Variants in ALPK2 observed in about 807,000 individuals in gnomAD.
ALPK2 encodes the protein alpha-protein kinase 2.
In ALPK2, 127 loss-of-function variants were observed where a neutral mutation model predicts 163.1. The ratio of observed to expected loss-of-function variants is 0.78; its 90% CI spans 0.67 to 0.90. ALPK2 has a LOEUF of 0.90. Among genes scored for constraint, ALPK2 ranks in the 40% least tolerant of loss-of-function variants. The pLI, the probability that ALPK2 is intolerant of heterozygous loss-of-function variation, is 0.00. For synonymous variants in ALPK2, 953 were observed against 959.1 expected (o/e 0.99, Z 0.12); for missense variants, 2,360 against 2,589.6 (o/e 0.91, Z 1.92).
rs546398935 is a variant in ALPK2, at chr18:58,489,909, CG to C, written c.6297-7871del. ...CAGGATATTGAGACCATCCTGGCCC[CG>C]TCTCTACTAAAAATACAAAAATTAG... On this transcript the variant is annotated intron_variant, in intron 12 of 12. Coordinates refer to ENST00000361673, the MANE Select transcript of ALPK2 (RefSeq NM_052947.4). 7.9e-5 allele frequency among the ~76,000 whole-genome samples: 12 copies of C among 151,424 alleles called. No homozygotes were observed. In the South Asian group the frequency reaches 2.3e-3, roughly 29 times the overall value.
intron 10 of ALPK2, among the ~76,000 whole-genome samples, chr18:58,509,342 A>G (rs62094716): frequency 0.23 from 34,711 of 151,904 alleles, 4,481 homozygotes; most frequent in South Asian, 0.41. Flanking sequence ...CGCAATAAAC[A>G]TCCGTGTGCA....
At chr18:58,577,851 G>A (rs1471868220) in intron 4 of ALPK2, 1 of 152,162 alleles carries the variant, frequency 6.6e-6, no homozygotes, top group Non-Finnish European at 1.5e-5. Context: ...TATCTTTGGA[G>A]TGTATCTAGT....
At chr18:58,544,566 C>T (rs1030247356) in intron 4 of ALPK2, 8 of 152,198 alleles carry the variant, frequency 5.3e-5, no homozygotes, top group Non-Finnish European at 1.0e-4. Flanking sequence ...CAATTCTTGA[C>T]AAGTTGTGCT....
Position 58,491,808 on chromosome 18 carries a change from G to C in ALPK2, c.6296+6241C>G, listed in dbSNP as rs193033649. On this transcript the variant is annotated intron_variant, in intron 12 of 12. Transcript: ENST00000361673. ...GGCATACAGGCAAGGAGAACTTGTGGGGCGGTTACAGGAGCCTCTGCAGGG... is the reference window on the plus strand; with the variant it reads ...GGCATACAGGCAAGGAGAACTTGTGCGGCGGTTACAGGAGCCTCTGCAGGG... Among the ~76,000 whole-genome samples the C allele has an allele frequency of 7.4e-3, 1,127 of 152,376 alleles. 14 individuals are homozygous for C. The highest frequency in any genetic ancestry group is 0.026 in the African/African-American group (1,087 of 41,594).
At chr18:58,513,370 A>C (rs2051504592) in intron 10 of ALPK2, among the ~76,000 whole-genome samples, 1 of 152,058 alleles carries the variant, frequency 6.6e-6, no homozygotes, top group Non-Finnish European at 1.5e-5. Flanking sequence ...CCTCCCATGT[A>C]CCGTCAGCAT....
At chr18:58,615,072 C>A (rs2052158553) in intron 1 of ALPK2, among the ~76,000 whole-genome samples, 1 of 152,034 alleles carries the variant, frequency 6.6e-6, no homozygotes, top group Non-Finnish European at 1.5e-5. Context: ...ACCTGGCTTC[C>A]CAAAATGCTA....
intron 8 of ALPK2, among the ~76,000 whole-genome samples, chr18:58,522,430 G>A (rs1052416465): frequency 1.3e-5 from 2 of 152,230 alleles, no homozygotes; most frequent in Non-Finnish European, 2.9e-5. Context: ...TTCTCCTTAA[G>A]AGGGAAGACA....
intron 5 of ALPK2, among the ~76,000 whole-genome samples, chr18:58,531,734 T>G (rs1359789134): frequency 2.7e-5 from 4 of 147,830 alleles, no homozygotes; most frequent in African/African-American, 1.0e-4. Flanking sequence ...GGTCAAGAGA[T>G]CTAGACCATC....
At chr18:58,555,888 C>T (rs1423754456) in intron 4 of ALPK2, among the ~76,000 whole-genome samples, 1 of 152,198 alleles carries the variant, frequency 6.6e-6, no homozygotes, top group East Asian at 1.9e-4. Flanking sequence ...GTGGCACAAT[C>T]TCGTCTCACT....
intron 4 of ALPK2, among the ~76,000 whole-genome samples, chr18:58,553,992 C>G (rs4940408): frequency 0.43 from 64,536 of 150,720 alleles, 14,417 homozygotes; most frequent in East Asian, 0.62. Context: ...CTCCTGAGTA[C>G]CTGGGAATAC....
At chr18:58,483,728 T>A (rs1318534112) in intron 12 of ALPK2, among the ~76,000 whole-genome samples, 1 of 81,300 alleles carries the variant, frequency 1.2e-5, no homozygotes, top group African/African-American at 3.4e-5. Flanking sequence ...TTTTTTGTAT[T>A]TTTTTTTTTT....
At chr18:58,495,304 A>G (rs929482173) in intron 12 of ALPK2, among the ~76,000 whole-genome samples, 1 of 152,204 alleles carries the variant, frequency 6.6e-6, no homozygotes, top group Non-Finnish European at 1.5e-5. Flanking sequence ...AAGATCTAAT[A>G]TCCCTGCCAA....
At chr18:58,538,248 A>G in intron 4 of ALPK2, 24 bp from the exon 5 acceptor site, 22 of 1,593,152 alleles carry the variant, frequency 1.4e-5, no homozygotes, top group Non-Finnish European at 1.9e-5. Context: ...AAGTGATATT[A>G]GTAGAATTGT....
chr18:58,623,001 C>G (rs1251437851), intron 1 of ALPK2, among the ~76,000 whole-genome samples: 1 of 152,110 alleles, frequency 6.6e-6, no homozygotes, highest in South Asian at 2.1e-4. Flanking sequence ...ATAAGACCAA[C>G]CCTGAGTGTA....
At chr18:58,520,076 G>T (rs978750998) in intron 8 of ALPK2, among the ~76,000 whole-genome samples, 1 of 152,098 alleles carries the variant, frequency 6.6e-6, no homozygotes, top group Non-Finnish European at 1.5e-5. Flanking sequence ...GCCATCCGTT[G>T]CCAGGACTCA....
chr18:58,578,813 C>T lies in ALPK2; in HGVS notation c.1962+1G>A. 1 of 1,587,234 alleles carries T rather than the reference C, an allele frequency of 6.3e-7. No homozygotes were observed. Among genetic ancestry groups the T allele is most frequent in the South Asian group, 1.1e-5 (1 of 90,296 alleles). On this transcript the variant is annotated splice_donor_variant, in intron 4 of 12. Transcript: ENST00000361673. LOFTEE classifies it high-confidence loss of function. Reference sequence around the variant, plus strand: ...TAATTTCTTTAAAAGAAAAGTCTTACCTGAGGAGGATCACTCCAGTCTGGA... The same window carrying T: ...TAATTTCTTTAAAAGAAAAGTCTTATCTGAGGAGGATCACTCCAGTCTGGA...
intron 1 of ALPK2, among the ~76,000 whole-genome samples, chr18:58,624,035 C>T (rs1015134225): frequency 3.3e-5 from 5 of 152,218 alleles, no homozygotes; most frequent in Non-Finnish European, 7.3e-5. Context: ...AATCAAGCCT[C>T]TTCCATCACT....
At chr18:58,589,603 A>G (rs2052005052) in intron 3 of ALPK2, among the ~76,000 whole-genome samples, 2 of 152,320 alleles carry the variant, frequency 1.3e-5, no homozygotes, top group East Asian at 1.9e-4. Context: ...TCAAAATGAT[A>G]TACTCTTCAG....
chr18:58,513,423 G>A (rs1266758085), intron 10 of ALPK2, among the ~76,000 whole-genome samples: 1 of 152,138 alleles, frequency 6.6e-6, no homozygotes, highest in African/African-American at 2.4e-5. Context: ...ATGGGAAAGT[G>A]GTTTAGATAG....
Sources: allele counts gnomAD v4.1 joint callset (sites outside exome capture counted in the v4.1 genomes callset), GRCh38; gene constraint gnomAD v4.1.1; transcripts MANE v1.5; gene names NCBI Gene and HGNC (gene_info 2026-07-23, HGNC 2026-07-21).